PEX14: variants seen among roughly 807,000 people sequenced by gnomAD.
PEX14 encodes the protein peroxisomal membrane protein PEX14.
Under a neutral mutation model 49.5 loss-of-function variants are expected in PEX14, and 15 were observed. The observed-to-expected ratio is 0.30, with a 90% CI of 0.20 to 0.47. The LOEUF (loss-of-function observed/expected upper bound fraction) is 0.47, where lower values mean the gene tolerates loss of function less well. PEX14 is among the 20% of genes least tolerant of loss of function. The pLI, the probability that PEX14 is intolerant of heterozygous loss-of-function variation, is 1.00. For missense variants in PEX14, 398 were observed against 494.8 expected, an observed-to-expected ratio of 0.80 and a Z score of 1.86; for synonymous variants, 210 against 212.7, an observed-to-expected ratio of 0.99 and a Z score of 0.11.
At chr1:10,511,361 C>T (rs781233397) in intron 2 of PEX14, among the ~76,000 whole-genome samples, 1 of 152,080 alleles carries the variant, frequency 6.6e-6, no homozygotes, top group African/African-American at 2.4e-5. Context: ...CTGCCTCCCC[C>T]CTTTGATGAC....
chr1:10,486,417 C>T (rs1290510936), intron 1 of PEX14, among the ~76,000 whole-genome samples: 6 of 149,374 alleles, frequency 4.0e-5, no homozygotes, highest in African/African-American at 9.9e-5. Context: ...CAGTGGCTCA[C>T]GCCTGTAATC....
rs1325897016 is a variant in PEX14, at chr1:10,629,196, G to A, written c.678-335G>A. 6.6e-6 allele frequency among the ~76,000 whole-genome samples: 1 copy of A among 152,244 alleles called. No homozygotes were observed. Among genetic ancestry groups the A allele is most frequent in the Non-Finnish European group, 1.5e-5 (1 of 68,044 alleles). Reference sequence around the variant, plus strand: ...GGCCACTGGGTTGGAGGCAGGGATGGTGCTGAGGATCAGAAGGAAGCAGGC... The same window carrying A: ...GGCCACTGGGTTGGAGGCAGGGATGATGCTGAGGATCAGAAGGAAGCAGGC... On this transcript the variant is annotated intron_variant, in intron 8 of 8. Transcript: ENST00000356607. This position sits in a 1 kb window ranked among gnomAD's most constrained non-coding sequence, Gnocchi z 8.5.
chr1:10,501,397 C>T (rs986986381), intron 2 of PEX14, among the ~76,000 whole-genome samples: 3 of 152,136 alleles, frequency 2.0e-5, no homozygotes, highest in Non-Finnish European at 2.9e-5. Flanking sequence ...CTCTGCCCCC[C>T]AGGGTTCATG....
At chr1:10,477,809 C>T (rs1570122219) in intron 1 of PEX14, among the ~76,000 whole-genome samples, 1 of 152,332 alleles carries the variant, frequency 6.6e-6, no homozygotes, top group East Asian at 1.9e-4. Context: ...TTTTTCTAGA[C>T]TTAATTTCTC....
chr1:10,628,730 G>A lies in PEX14; in HGVS notation c.678-801G>A, dbSNP rs1368915891. The stretch of plus-strand genomic sequence containing the variant: ...AGGCCGTGGTGTGTGCCCCACTCAA[G>A]TGGGGTCTGTGGTGGGAGAGTTGTG... On this transcript the variant is annotated intron_variant, in intron 8 of 8. Transcript: ENST00000356607. This position sits in a 1 kb window ranked among gnomAD's most constrained non-coding sequence, Gnocchi z 4.5. 1.3e-5 allele frequency among the ~76,000 whole-genome samples: 2 copies of A among 152,260 alleles called. No homozygotes were observed. Among genetic ancestry groups the A allele is most frequent in the African/African-American group, 4.8e-5 (2 of 41,464 alleles).
rs1418716707 is a variant in PEX14 at position 10,529,688 on chromosome 1, G to A, written c.85-6525G>A. Among the ~76,000 whole-genome samples the A allele has an allele frequency of 2.0e-5, 3 of 152,178 alleles. No homozygotes were observed. The highest frequency in any genetic ancestry group is 4.4e-5 in the Non-Finnish European group (3 of 68,034). ...TATCAATGAGTTTTAAGAGAGACTA[G>A]GGTCAATAATGCATGCTTTAGAATT... On this transcript the variant is annotated intron_variant, in intron 2 of 8. Transcript: ENST00000356607. This position sits in a 1 kb window ranked among gnomAD's most constrained non-coding sequence, Gnocchi z 4.2.
chr1:10,587,215 G>T (rs920105806), intron 3 of PEX14, among the ~76,000 whole-genome samples: 16 of 152,158 alleles, frequency 1.1e-4, no homozygotes, highest in Non-Finnish European at 2.9e-5. Flanking sequence ...CCAGCACTTT[G>T]GGAGGCCGAG....
chr1:10,585,614 G>A (rs1640458561), intron 3 of PEX14, among the ~76,000 whole-genome samples: 1 of 152,218 alleles, frequency 6.6e-6, no homozygotes. Flanking sequence ...ACCAGACAAG[G>A]TGGTCTTAAA....
intron 3 of PEX14, among the ~76,000 whole-genome samples, chr1:10,573,432 A>G (rs78507554): frequency 0.12 from 17,731 of 152,258 alleles, 1,321 homozygotes; most frequent in South Asian, 0.24. Context: ...AAAAGGGTGT[A>G]CAAAAGACTC....
At chr1:10,490,437 C>T (rs910076240) in intron 1 of PEX14, among the ~76,000 whole-genome samples, 1 of 152,190 alleles carries the variant, frequency 6.6e-6, no homozygotes, top group Non-Finnish European at 1.5e-5. Flanking sequence ...GACAGCAGGT[C>T]AGGATCTGGG....
At chr1:10,607,574 C>T (rs1430249451) in intron 4 of PEX14, among the ~76,000 whole-genome samples, 1 of 152,106 alleles carries the variant, frequency 6.6e-6, no homozygotes, top group Non-Finnish European at 1.5e-5. Flanking sequence ...TTAATTTTAG[C>T]AGTTTTAGTG....
rs1006545129 is a variant in PEX14 at position 10,514,410 on chromosome 1, A to C, written c.84+19089A>C. 6.6e-6 allele frequency among the ~76,000 whole-genome samples: 1 copy of C among 152,166 alleles called. No individual in the cohort carries two copies. Among genetic ancestry groups the C allele is most frequent in the South Asian group, 2.1e-4 (1 of 4,822 alleles). On this transcript the variant is annotated intron_variant, in intron 2 of 8. Transcript: ENST00000356607. The surrounding 1 kb of genome is among the most constrained non-coding windows in gnomAD (Gnocchi z 4.4). ...GTGTGCTATACTGTGTTGTTTGTGC[A>C]CGTGTGTAACAATATACAGTGTTTG...
chr1:10,537,645 C>T (rs909245667), intron 3 of PEX14, among the ~76,000 whole-genome samples: 8 of 152,014 alleles, frequency 5.3e-5, no homozygotes, highest in South Asian at 2.1e-4. Context: ...TCTCTTCCAC[C>T]GACAATGACC....
At chr1:10,562,528 T>A (rs1176138074) in intron 3 of PEX14, among the ~76,000 whole-genome samples, 2 of 152,212 alleles carry the variant, frequency 1.3e-5, no homozygotes, top group African/African-American at 4.8e-5. Flanking sequence ...ACACTGTACT[T>A]AATTTGGATT....
At chr1:10,583,513 C>G (rs1038602966) in intron 3 of PEX14, among the ~76,000 whole-genome samples, 2 of 151,834 alleles carry the variant, frequency 1.3e-5, no homozygotes, top group Non-Finnish European at 2.9e-5. Flanking sequence ...TTAGCTACCA[C>G]GCCTGGCTTT....
chr1:10,571,682 G>A (rs7534954), intron 3 of PEX14, among the ~76,000 whole-genome samples: 93,392 of 151,722 alleles, frequency 0.62, 29,992 homozygotes, highest in Admixed American at 0.7. Context: ...GGTGGTGGGC[G>A]CCTGTATTCC....
chr1:10,541,307 G>A (rs1639002957), intron 3 of PEX14, among the ~76,000 whole-genome samples: 2 of 152,236 alleles, frequency 1.3e-5, no homozygotes, highest in Non-Finnish European at 2.9e-5. Context: ...TTTCTCAGGA[G>A]TGAGAGCTAC....
rs1324926352 is a variant in PEX14, at chr1:10,629,817, G to A, written c.964G>A (p.Asp322Asn). 1 of 1,594,580 alleles carries A rather than the reference G, an allele frequency of 6.3e-7. No individual in the cohort carries two copies. Among genetic ancestry groups the A allele is most frequent in the South Asian group, 1.1e-5 (1 of 90,054 alleles). ...GCAAGGCGAGGAGGAGAAGAGGGAG[G>A]ACAAGGAGGACGAGGAGGATGAGGA... ...EVQGEEEKREDKEDEEDEEDD... is the reference protein window; with the variant it reads ...EVQGEEEKRENKEDEEDEEDD... The change falls in exon 9 of 9, where the codon GAC becomes AAC. Residue 322 changes from aspartate (D) to asparagine (N), a missense_variant. Asp to Asn is a conservative substitution (Grantham distance 23, BLOSUM62 1). Transcript: ENST00000356607. The surrounding 1 kb of genome is among the most constrained non-coding windows in gnomAD (Gnocchi z 8.5).
At position 10,514,100 on chromosome 1, in the gene PEX14, G is replaced by C. The variant is rs146804577; in HGVS notation, c.84+18779G>C. 5.1e-3 allele frequency among the ~76,000 whole-genome samples: 741 copies of C among 144,104 alleles called. 8 individuals are homozygous for C. The highest frequency in any genetic ancestry group is 0.018 in the African/African-American group (705 of 38,586). The allele number at this position is 144,104 out of a possible 152,430, so 94.5% of individuals were successfully genotyped here. ...GAGTAGCCAAAAAAGAAAAAAAGAA[G>C]AAAGAAAAGAAGGAAATAGAAAAAA... is the stretch of plus-strand genomic sequence containing the variant. On this transcript the variant is annotated intron_variant, in intron 2 of 8. Transcript: ENST00000356607. This position sits in a 1 kb window ranked among gnomAD's most constrained non-coding sequence, Gnocchi z 4.4.
Sources: gnomAD v4.1 joint callset for allele counts (sites outside exome capture counted in the v4.1 genomes callset) on GRCh38, gnomAD v4.1.1 for gene constraint, Gnocchi (gnomAD v3.1) non-coding constraint, MANE v1.5 for transcripts, NCBI Gene and HGNC (gene_info 2026-07-23, HGNC 2026-07-21) for gene names.